Variants in ITGAE observed in about 807,000 individuals in gnomAD.
ITGAE encodes integrin alpha-E.
A neutral mutation model predicts 136.5 loss-of-function variants in ITGAE; 99 were observed. The observed-to-expected ratio is 0.73, with a 90% CI of 0.62 to 0.86. The LOEUF is 0.86. Ranked by LOEUF, ITGAE falls within the 40% of genes least tolerant of loss-of-function variation. ITGAE has a pLI of 0.00. For synonymous variants in ITGAE, 613 were observed against 591.8 expected (o/e 1.04, Z -0.52); for missense variants, 1,447 against 1,515.3 (o/e 0.95, Z 0.75).
In ITGAE at chr17:3,755,107, CCGCCCT is replaced by C. The variant is rs1164932115; in HGVS notation, c.1384+4_1384+9del. On this transcript the variant is annotated splice_donor_5th_base_variant and intron_variant, in intron 12 of 30. Transcript: ENST00000263087. Reference sequence around the variant, plus strand: ...GTGGCCCCGCCCTCATCAGGTGGCCCCGCCCTCACCCAGGTAGCTGTACTGCGCAGC... The same window carrying C: ...GTGGCCCCGCCCTCATCAGGTGGCCCCACCCAGGTAGCTGTACTGCGCAGC... 3.8e-6 allele frequency: 6 copies of C among 1,583,202 alleles called. No homozygotes were observed. The East Asian group carries it at 1.2e-4, about 31-fold the overall frequency.
At chr17:3,753,677 A>T in intron 13 of ITGAE, 106 bp downstream of exon 13, 1 of 1,405,400 alleles carries the variant, frequency 7.1e-7, no homozygotes, top group South Asian at 1.3e-5. Flanking sequence ...AGTTTCACCC[A>T]GCCCGGGCCC....
At chr17:3,716,419 A>G (rs140631445) in intron 30 of ITGAE, among the ~76,000 whole-genome samples, 31 of 152,336 alleles carry the variant, frequency 2.0e-4, no homozygotes, top group Non-Finnish European at 4.1e-4. Context: ...GTAACCGAAC[A>G]TAACAGTATT....
intron 17 of ITGAE, among the ~76,000 whole-genome samples, chr17:3,746,285 A>G (rs2051711735): frequency 6.6e-6 from 1 of 151,964 alleles, no homozygotes; most frequent in Non-Finnish European, 1.5e-5. Context: ...CTGCGGAGAA[A>G]AACCCCAGGA....
chr17:3,779,215 A>C (rs1439095732), intron 1 of ITGAE, among the ~76,000 whole-genome samples: 1 of 152,224 alleles, frequency 6.6e-6, no homozygotes, highest in Non-Finnish European at 1.5e-5. Context: ...GAATTTGTGC[A>C]TGTCACTGTA....
chr17:3,738,355 G>C (rs572127449), intron 20 of ITGAE, among the ~76,000 whole-genome samples: 3 of 152,130 alleles, frequency 2.0e-5, no homozygotes. Flanking sequence ...ATTTTTAGTA[G>C]AGACGGGGTT....
At chr17:3,743,703 T>TC (rs1383159078) in intron 18 of ITGAE, 86 bp from the exon 19 acceptor site, 3 of 1,293,436 alleles carry the variant, frequency 2.3e-6, no homozygotes, top group East Asian at 2.5e-5. Context: ...TTTTCTTTTT[T>TC]TCTTTTTTTT....
chr17:3,725,477 T>C (rs2051188688), intron 26 of ITGAE: 3 of 1,614,188 alleles, frequency 1.9e-6, no homozygotes, highest in Non-Finnish European at 1.7e-6. Context: ...AAATCATTGC[T>C]ATTGAAGGAC....
intron 1 of ITGAE, among the ~76,000 whole-genome samples, chr17:3,781,846 G>T (rs1309812042): frequency 6.6e-6 from 1 of 151,994 alleles, no homozygotes; most frequent in Non-Finnish European, 1.5e-5. Flanking sequence ...ATGCACATTT[G>T]GGCCTCTGTC....
chr17:3,723,247 C>A (rs747696427), intron 28 of ITGAE, 41 bp downstream of exon 28: 2 of 1,300,938 alleles, frequency 1.5e-6, no homozygotes, highest in South Asian at 2.4e-5. Flanking sequence ...TGCCCGTGAG[C>A]AACTGGATAA....
intron 21 of ITGAE, among the ~76,000 whole-genome samples, chr17:3,734,229 C>A (rs948438984): frequency 2.6e-5 from 2 of 78,262 alleles, no homozygotes; most frequent in African/African-American, 8.8e-5. Context: ...CGCCATCGCG[C>A]CCAGCTAATT....
chr17:3,719,319 T>A (rs1446616715), intron 29 of ITGAE, among the ~76,000 whole-genome samples: 1 of 151,650 alleles, frequency 6.6e-6, no homozygotes, highest in Non-Finnish European at 1.5e-5. Context: ...TTGGCATGTC[T>A]AGAGAATTGC....
intron 18 of ITGAE, 28 bp downstream of exon 18, chr17:3,745,736 T>G: frequency 6.2e-7 from 1 of 1,610,486 alleles, no homozygotes; most frequent in Non-Finnish European, 8.5e-7. Flanking sequence ...AGACCCCTCC[T>G]GACTCCCATC....
At chr17:3,743,441 T>C in intron 19 of ITGAE, 48 bp downstream of exon 19, 1 of 1,518,746 alleles carries the variant, frequency 6.6e-7, no homozygotes, top group Non-Finnish European at 8.8e-7. Flanking sequence ...GTGGTTTCTG[T>C]GGGATAGGCT....
At chr17:3,720,244 G>C in intron 29 of ITGAE, 63 bp downstream of exon 29, 1 of 770,248 alleles carries the variant, frequency 1.3e-6, no homozygotes, top group Non-Finnish European at 2.4e-6. Flanking sequence ...AATGTCTGTG[G>C]AGGTGCTCAA....
Position 3,790,375 on chromosome 17 carries a change from C to A in ITGAE, c.34+10736G>T, listed in dbSNP as rs147486777. On this transcript the variant is annotated intron_variant, in intron 1 of 30. Coordinates refer to ENST00000263087, the MANE Select transcript of ITGAE (RefSeq NM_002208.5). ...TACAAAAATTAGCTGGGCGTAGTGG[C>A]GCATGCCTGTAGTCCTAGCTGCTTG... Among the ~76,000 whole-genome samples, 1,010 of 151,970 alleles carry A rather than the reference C, an allele frequency of 6.6e-3. 14 individuals are homozygous for A. The highest frequency in any genetic ancestry group is 0.023 in the African/African-American group (948 of 41,418).
chr17:3,759,599 C>A (rs962399338), intron 7 of ITGAE, 46 bp from the exon 8 acceptor site: 22 of 1,589,440 alleles, frequency 1.4e-5, no homozygotes, highest in Non-Finnish European at 1.8e-5. Context: ...GAATTGCCAC[C>A]TCTGCCCCTG....
chr17:3,725,459 A>G (rs370824470), intron 26 of ITGAE: 3 of 1,614,106 alleles, frequency 1.9e-6, no homozygotes, highest in African/African-American at 2.7e-5. Context: ...ACACACCCGT[A>G]GCCATAAAAA....
At chr17:3,753,266 T>TC in intron 14 of ITGAE, 24 bp downstream of exon 14, 2 of 1,608,356 alleles carry the variant, frequency 1.2e-6, no homozygotes, top group African/African-American at 2.7e-5. Context: ...CTCAGCAAGC[T>TC]CATGAAGATG....
At chr17:3,791,286 A>G (rs1219751040) in intron 1 of ITGAE, among the ~76,000 whole-genome samples, 1 of 151,878 alleles carries the variant, frequency 6.6e-6, no homozygotes, top group Non-Finnish European at 1.5e-5. Flanking sequence ...GAAAATGTCC[A>G]CGTTCTTTAT....
Sources: allele counts gnomAD v4.1 joint callset (sites outside exome capture counted in the v4.1 genomes callset), GRCh38; gene constraint gnomAD v4.1.1; transcripts MANE v1.5; gene names NCBI Gene and HGNC (gene_info 2026-07-23, HGNC 2026-07-21).